The following IQANK1 variants were observed in gnomAD, a reference collection of about 807,000 sequenced individuals.
IQANK1 encodes the protein IQ motif and ankyrin repeat containing 1.
A neutral mutation model predicts 22.6 loss-of-function variants in IQANK1; 30 were observed. The observed-to-expected ratio is 1.33, with a 90% CI of 0.99 to 1.80. The LOEUF (loss-of-function observed/expected upper bound fraction) is 1.80, where lower values mean the gene tolerates loss of function less well. IQANK1 is among the 40% of genes most tolerant of loss of function. IQANK1 has a pLI of 0.00. For missense variants in IQANK1, 275 were observed against 235.2 expected (o/e 1.17, Z -1.11); for synonymous variants, 122 against 99.6 (o/e 1.23, Z -1.34).
Position 143,789,988 on chromosome 8 carries a change from G to A in IQANK1, c.1213G>A (p.Gly405Arg). 3 of 1,232,044 alleles carry A rather than the reference G, an allele frequency of 2.4e-6. No individual in the cohort carries two copies. Among genetic ancestry groups the A allele is most frequent in the Non-Finnish European group, 3.0e-6 (3 of 988,020 alleles). The allele number at this position is 1,232,044 out of a possible 1,614,324, so 76.3% of individuals were successfully genotyped here. Residue 405 changes from glycine (G) to arginine (R), a missense_variant, in exon 12 of 14, where the codon GGG (glycine) becomes AGG (arginine). Gly to Arg is a moderately radical substitution (Grantham distance 125). Transcript: ENST00000527139. Reference protein sequence around the residue: ...QTQEGEEEAPGLKCQVTELHD... With the variant: ...QTQEGEEEAPRLKCQVTELHD... ...CCCGACAGGGGAGGAAGAGGCGCCT[G>A]GGCTGAAGTGCCAGGTCACCGAGCT...
intron 7 of IQANK1, among the ~76,000 whole-genome samples, chr8:143,773,940 G>A (rs1240420354): frequency 6.6e-6 from 1 of 152,142 alleles, no homozygotes; most frequent in Non-Finnish European, 1.5e-5. Flanking sequence ...GGGTGCTGGG[G>A]GAGCCCTTGG....
intron 3 of IQANK1, among the ~76,000 whole-genome samples, chr8:143,740,318 G>T (rs1818871860): frequency 6.6e-6 from 1 of 152,138 alleles, no homozygotes; most frequent in Admixed American, 6.5e-5. Context: ...GCCCTCAGGT[G>T]GCAGGAAACG....
intron 3 of IQANK1, among the ~76,000 whole-genome samples, chr8:143,756,392 T>A (rs986393081): frequency 4.6e-5 from 7 of 152,112 alleles, no homozygotes; most frequent in African/African-American, 1.7e-4. Flanking sequence ...CATGAGGAGC[T>A]TCCCAGGATG....
intron 7 of IQANK1, among the ~76,000 whole-genome samples, chr8:143,773,309 A>AC (rs1387722694): frequency 0.024 from 2,973 of 125,896 alleles, 74 homozygotes; most frequent in Admixed American, 0.041. Flanking sequence ...TCAAAAAAAA[A>AC]AAAAAAACAA....
chr8:143,783,724 T>C (rs963412579), intron 7 of IQANK1, among the ~76,000 whole-genome samples: 1 of 152,228 alleles, frequency 6.6e-6, no homozygotes, highest in African/African-American at 2.4e-5. Flanking sequence ...TCCACTAGAA[T>C]AGACTTCTGT....
At chr8:143,767,379 G>A (rs10106751) in intron 3 of IQANK1, among the ~76,000 whole-genome samples, 5,980 of 152,250 alleles carry the variant, frequency 0.039, 372 homozygotes, top group African/African-American at 0.13. Context: ...TGTGTATAGA[G>A]ATCTTGTGTG....
In IQANK1 at chr8:143,785,472, T is replaced by G. The variant is rs534221404; in HGVS notation, c.790-3443T>G. On this transcript the variant is annotated intron_variant, in intron 7 of 13. Transcript: ENST00000527139. Reference sequence around the variant, plus strand: ...GGTTTTGCCATGTTGGCTAGGCTGGTCTTGAACTCCTGACCTCAAGTAATT... The same window carrying G: ...GGTTTTGCCATGTTGGCTAGGCTGGGCTTGAACTCCTGACCTCAAGTAATT... Among the ~76,000 whole-genome samples, 12 of 152,232 alleles carry G rather than the reference T, an allele frequency of 7.9e-5. No homozygotes were observed. In the South Asian group the frequency reaches 2.3e-3, roughly 29 times the overall value.
At chr8:143,789,311 G>A (rs1246261054) in intron 9 of IQANK1, 68 bp downstream of exon 9, 10 of 440,292 alleles carry the variant, frequency 2.3e-5, no homozygotes, top group East Asian at 7.1e-5. Context: ...AGGGGGAGCC[G>A]AGGGAGGGCC....
In IQANK1 at chr8:143,790,387, G is replaced by A; in HGVS notation, c.1462G>A (p.Asp488Asn). The change falls in exon 14 of 14, where the codon GAC becomes AAC. Residue 488 changes from aspartate (D) to asparagine (N), a missense_variant. Asp to Asn is a conservative substitution (Grantham distance 23, BLOSUM62 1). Transcript: ENST00000527139. ...GCTGGTGTTCGACCTGCGAGAGGAA[G>A]ACCTGTTCCCAGTCGTGCAGCGGCA... ...KPLVFDLREE[D>N]LFPVVQRQLE... 2.1e-6 allele frequency: 2 copies of A among 949,278 alleles called. No homozygotes were observed. The highest frequency in any genetic ancestry group is 2.7e-6 in the Non-Finnish European group (2 of 730,738). 58.8% of individuals were successfully genotyped at this position (949,278 alleles called of 1,614,324 possible).
chr8:143,779,332 C>A (rs951645490), intron 7 of IQANK1, among the ~76,000 whole-genome samples: 5 of 152,322 alleles, frequency 3.3e-5, no homozygotes, highest in African/African-American at 1.2e-4. Context: ...GTCTCGTTCA[C>A]CCCTTAATCG....
intron 7 of IQANK1, among the ~76,000 whole-genome samples, chr8:143,782,038 T>G (rs1217597846): frequency 3.3e-5 from 5 of 152,194 alleles, no homozygotes; most frequent in African/African-American, 1.2e-4. Context: ...CCTCCCTGGT[T>G]AGCTGTATTC....
In IQANK1 at chr8:143,789,866, G is replaced by A; in HGVS notation, c.1192G>A (p.Glu398Lys). 1.6e-6 allele frequency: 2 copies of A among 1,232,128 alleles called. No homozygotes were observed. The highest frequency in any genetic ancestry group is 2.0e-6 in the Non-Finnish European group (2 of 988,140). The allele number at this position is 1,232,128 out of a possible 1,614,324, so 76.3% of individuals were successfully genotyped here. ...GCTGGAGCTTCGGGAGCAGACGCAGGAGGGTGGGCCTGGCATGGGGCGCCG... is the reference window on the plus strand; with the variant it reads ...GCTGGAGCTTCGGGAGCAGACGCAGAAGGGTGGGCCTGGCATGGGGCGCCG... ...ARLELREQTQ[E>K]GEEEAPGLKC... The change falls in exon 11 of 14, where the codon GAG (glutamate) becomes AAG (lysine). Residue 398 changes from glutamate (E) to lysine (K), a missense_variant. Transcript: ENST00000527139.
intron 3 of IQANK1, among the ~76,000 whole-genome samples, chr8:143,756,169 C>G (rs1819289004): frequency 6.6e-6 from 1 of 152,196 alleles, no homozygotes; most frequent in African/African-American, 2.4e-5. Flanking sequence ...CAAGCCTGCT[C>G]TTTTTGGTAT....
At chr8:143,752,088 C>G (rs1378212630) in intron 3 of IQANK1, among the ~76,000 whole-genome samples, 1 of 152,114 alleles carries the variant, frequency 6.6e-6, no homozygotes, top group Non-Finnish European at 1.5e-5. Flanking sequence ...GGCTCAGCCT[C>G]CCGAGTAGCT....
In IQANK1 at chr8:143,755,629, G is replaced by T. The variant is rs189221277; in HGVS notation, c.175+15681G>T. 2.9e-3 allele frequency among the ~76,000 whole-genome samples: 448 copies of T among 152,298 alleles called. 3 individuals carry two copies. The highest frequency in any genetic ancestry group is 0.01 in the African/African-American group (427 of 41,568). ...TCCTCCCGCCTTGGCCTCCCAAAGT[G>T]CTGGGATTACAGGTGTGAGCCACTG... is the stretch of plus-strand genomic sequence containing the variant. On this transcript the variant is annotated intron_variant, in intron 3 of 13. Transcript: ENST00000527139.
intron 3 of IQANK1, among the ~76,000 whole-genome samples, chr8:143,770,344 T>C (rs1233515092): frequency 6.6e-6 from 1 of 152,218 alleles, no homozygotes; most frequent in Admixed American, 6.5e-5. Flanking sequence ...CTCTGCATCC[T>C]AGACGCACGT....
intron 3 of IQANK1, among the ~76,000 whole-genome samples, chr8:143,751,989 A>G (rs1241936827): frequency 1.3e-5 from 2 of 151,284 alleles, no homozygotes; most frequent in Non-Finnish European, 2.9e-5. Flanking sequence ...TTTTTGAGAG[A>G]GAGACTTGCT....
Position 143,788,878 on chromosome 8 carries a change from A to G in IQANK1, c.790-37A>G, listed in dbSNP as rs535933202. On this transcript the variant is annotated intron_variant, in intron 7 of 13. Coordinates refer to ENST00000527139, the MANE Select transcript of IQANK1 (RefSeq NM_001381874.1). Reference sequence around the variant, plus strand: ...TCTCCAGGCTGAGGAGACTCGGAACACGCACTGAGGGCCCGACAAATGTCG... The same window carrying G: ...TCTCCAGGCTGAGGAGACTCGGAACGCGCACTGAGGGCCCGACAAATGTCG... 5.0e-5 allele frequency: 20 copies of G among 399,032 alleles called. No individual in the cohort carries two copies. The South Asian group carries it at 2.4e-3, about 48-fold the overall frequency. 24.7% of individuals were successfully genotyped at this position (399,032 alleles called of 1,614,324 possible).
intron 7 of IQANK1, among the ~76,000 whole-genome samples, chr8:143,775,029 GA>G (rs1211312158): frequency 6.6e-6 from 1 of 151,892 alleles, no homozygotes; most frequent in Non-Finnish European, 1.5e-5. Flanking sequence ...TAGCACAAGA[GA>G]CCCTTGAGGT....
Sources: gnomAD v4.1 joint callset for allele counts (sites outside exome capture counted in the v4.1 genomes callset) on GRCh38, gnomAD v4.1.1 for gene constraint, MANE v1.5 for transcripts, NCBI Gene and HGNC (gene_info 2026-07-23, HGNC 2026-07-21) for gene names.